The following SLC1A7 variants were observed in gnomAD, a reference collection of about 807,000 sequenced individuals.
The protein encoded by SLC1A7 is excitatory amino acid transporter 5.
SLC1A7 carries 40 observed loss-of-function variants against 47.7 expected under a neutral mutation model. That is an observed-to-expected ratio of 0.84 (90% CI 0.65 to 1.09). The LOEUF (loss-of-function observed/expected upper bound fraction) is 1.09. SLC1A7 is among the 50% of genes least tolerant of loss of function. The pLI is 0.00. For synonymous variants in SLC1A7, 323 were observed against 325.6 expected (o/e 0.99, Z 0.09); for missense variants, 746 against 769.5 (o/e 0.97, Z 0.36).
chr1:53,108,414 T>C (rs1644667955), intron 3 of SLC1A7: 1 of 601,290 alleles, frequency 1.7e-6, no homozygotes. Flanking sequence ...GGACAGCTAG[T>C]TGCCTATGCA....
At chr1:53,090,464 G>T in intron 8 of SLC1A7, 148 bp downstream of exon 8, 1 of 1,279,112 alleles carries the variant, frequency 7.8e-7, no homozygotes, top group Non-Finnish European at 1.0e-6. Flanking sequence ...CTGTCCTCCA[G>T]GCTCGGAGCT....
intron 5 of SLC1A7, among the ~76,000 whole-genome samples, chr1:53,094,729 C>T (rs970706318): frequency 2.6e-5 from 4 of 152,218 alleles, no homozygotes; most frequent in East Asian, 1.9e-4. Context: ...CTGCCGGCTC[C>T]GCCCTCCCCG....
intron 5 of SLC1A7, among the ~76,000 whole-genome samples, chr1:53,100,739 A>ATAC (rs1361970331): frequency 2.0e-4 from 30 of 149,564 alleles, no homozygotes; most frequent in South Asian, 8.5e-4. Context: ...ACACTCACAC[A>ATAC]CATTGCCTTG....
At chr1:53,120,222 C>T (rs1217811734) in intron 2 of SLC1A7, among the ~76,000 whole-genome samples, 5 of 152,174 alleles carry the variant, frequency 3.3e-5, no homozygotes, top group Admixed American at 1.3e-4. Context: ...CCCTGGTTCT[C>T]GCACCAACCC....
rs1394069347 is a variant in SLC1A7, at chr1:53,136,635, A to T, written c.136-2206T>A. Reference sequence around the variant, plus strand: ...TAATATATATAAACATATATAATATATAAAAACATATATATATTATATATA... The same window carrying T: ...TAATATATATAAACATATATAATATTTAAAAACATATATATATTATATATA... On this transcript the variant is annotated intron_variant, in intron 1 of 10. Coordinates refer to ENST00000371494, the MANE Select transcript of SLC1A7 (RefSeq NM_006671.6). Among the ~76,000 whole-genome samples, 14 of 122,198 alleles carry T rather than the reference A, an allele frequency of 1.1e-4. 1 individual carries two copies. The highest frequency in any genetic ancestry group is 2.2e-4 in the African/African-American group (7 of 31,212). The allele number at this position is 122,198 out of a possible 152,430, so 80.2% of individuals were successfully genotyped here. A position where few individuals can be genotyped will look rare whatever the true frequency, so the allele number is the denominator to read the frequency against.
In SLC1A7 at chr1:53,142,577, G is replaced by T; in HGVS notation, c.-128C>A. 9.4e-7 allele frequency: 1 copy of T among 1,065,892 alleles called. No homozygotes were observed. The highest frequency in any genetic ancestry group is 1.3e-6 in the Non-Finnish European group (1 of 762,226). The allele number at this position is 1,065,892 out of a possible 1,614,324, so 66.0% of individuals were successfully genotyped here. A position where few individuals can be genotyped will look rare whatever the true frequency, so the allele number is the denominator to read the frequency against. On this transcript the variant is annotated 5_prime_UTR_variant, in exon 1 of 11. It adds an upstream start codon to the 5' untranslated region. Coordinates refer to ENST00000371494, the MANE Select transcript of SLC1A7 (RefSeq NM_006671.6). ...AGGTGGTCGGAGTTGCTAAACACCA[G>T]TCGCCAGCCCCACGGCCATGCCCGT...
At chr1:53,136,012 T>A (rs796543401) in intron 1 of SLC1A7, among the ~76,000 whole-genome samples, 12 of 152,002 alleles carry the variant, frequency 7.9e-5, no homozygotes, top group African/African-American at 2.2e-4. Flanking sequence ...ATGTGATAGA[T>A]GAGGAAGCTG....
chr1:53,104,814 A>G (rs148973277), intron 4 of SLC1A7, among the ~76,000 whole-genome samples: 1 of 152,338 alleles, frequency 6.6e-6, no homozygotes, highest in Non-Finnish European at 1.5e-5. Context: ...TAAGTCAACC[A>G]ACCAGCTGAC....
At chr1:53,133,548 A>G (rs956182190) in intron 2 of SLC1A7, among the ~76,000 whole-genome samples, 6 of 150,086 alleles carry the variant, frequency 4.0e-5, no homozygotes, top group Admixed American at 3.9e-4. Flanking sequence ...GTCCTGGAAG[A>G]TGAAGATTTC....
intron 1 of SLC1A7, 32 bp downstream of exon 1, chr1:53,142,283 A>G (rs1023396040): frequency 6.5e-7 from 1 of 1,547,890 alleles, no homozygotes; most frequent in Non-Finnish European, 8.7e-7. Context: ...CCCCTCCTGG[A>G]CAGGGGTCCC....
chr1:53,097,818 G>A (rs758962594), intron 5 of SLC1A7, among the ~76,000 whole-genome samples: 11 of 146,480 alleles, frequency 7.5e-5, no homozygotes, highest in Middle Eastern at 3.8e-3. Flanking sequence ...CACACACTCC[G>A]CCTCAGTACA....
chr1:53,101,932 G>A (rs552831663), intron 5 of SLC1A7, among the ~76,000 whole-genome samples: 4 of 151,686 alleles, frequency 2.6e-5, no homozygotes, highest in African/African-American at 4.8e-5. Context: ...GCCCTGCCTC[G>A]GTACCCTCAT....
At chr1:53,129,492 C>CTTTCT (rs1332087381) in intron 2 of SLC1A7, among the ~76,000 whole-genome samples, 2,436 of 112,262 alleles carry the variant, frequency 0.022, 14 homozygotes, top group Middle Eastern at 0.034. Context: ...CAAGCGTGGG[C>CTTTCT]TGCACTCAGT....
At position 53,089,785 on chromosome 1, in the gene SLC1A7, G is replaced by A. The variant is rs1298910782; in HGVS notation, c.1361+15C>T. ...CCCTCCCAGAGGGCTAGAGCTAGAG[G>A]CAAAGTCCACTCACAGAGCCCAGTC... On this transcript the variant is annotated intron_variant, in intron 9 of 10. Transcript: ENST00000371494. 1 of 1,613,370 alleles carries A rather than the reference G, an allele frequency of 6.2e-7. No individual in the cohort carries two copies. Among genetic ancestry groups the A allele is most frequent in the Non-Finnish European group, 8.5e-7 (1 of 1,179,714 alleles).
Position 53,088,069 on chromosome 1 carries a change from C to A in SLC1A7, c.1623G>T (p.Leu541=), listed in dbSNP as rs769215147. Residue 541 remains leucine (L), a synonymous_variant, in exon 11 of 11, where the codon CTG becomes CTT. Transcript: ENST00000371494. ...VPVQVEQDEE[L]PAASLNHCTI... ...TGCAGTGGTTCAGACTCGCAGCGGG[C>A]AGCTCCTCATCCTGCTCCACTTGAA... 1.6e-5 allele frequency: 25 copies of A among 1,605,652 alleles called. No homozygotes were observed. The highest frequency in any genetic ancestry group is 2.0e-5 in the Non-Finnish European group (24 of 1,174,900).
chr1:53,091,070 G>A (rs548347068), intron 7 of SLC1A7: 18 of 951,898 alleles, frequency 1.9e-5, no homozygotes, highest in African/African-American at 5.0e-5. Flanking sequence ...CTGCTGTGCC[G>A]AGGGATATGG....
At chr1:53,118,428 C>T (rs1043812262) in intron 2 of SLC1A7, 1 of 152,318 alleles carries the variant, frequency 6.6e-6, no homozygotes, top group South Asian at 2.1e-4. Flanking sequence ...ATGGAGATGA[C>T]ACCTCCTGGA....
At chr1:53,110,295 G>A (rs1007104498) in intron 3 of SLC1A7, among the ~76,000 whole-genome samples, 6 of 152,164 alleles carry the variant, frequency 3.9e-5, no homozygotes, top group Non-Finnish European at 1.5e-5. Flanking sequence ...TGGAGATGAG[G>A]CCACAGGTCT....
At chr1:53,136,560 T>TATATAATATATAAACATATATA (rs71044458) in intron 1 of SLC1A7, among the ~76,000 whole-genome samples, 10,059 of 80,064 alleles carry the variant, frequency 0.13, 1,913 homozygotes, top group Middle Eastern at 0.31. Context: ...TATATAAACA[T>TATATAATATATAAACATATATA]ATATATAAAC....
Sources: gnomAD v4.1 joint callset for allele counts (sites outside exome capture counted in the v4.1 genomes callset) on GRCh38, gnomAD v4.1.1 for gene constraint, MANE v1.5 for transcripts, NCBI Gene and HGNC (gene_info 2026-07-23, HGNC 2026-07-21) for gene names.